The following CTNNA2 variants were observed in gnomAD, a reference collection of about 807,000 sequenced individuals.
The protein encoded by CTNNA2 is catenin alpha-2.
CTNNA2 carries 42 observed loss-of-function variants against 101.0 expected under a neutral mutation model. The observed-to-expected ratio is 0.42, with a 90% CI of 0.32 to 0.54. The LOEUF (loss-of-function observed/expected upper bound fraction) is 0.54, where lower values mean the gene tolerates loss of function less well. CTNNA2 is among the 20% of genes least tolerant of loss of function. The probability of loss-of-function intolerance (pLI) is 0.14; values close to 1 mark genes in which losing one functional copy is unlikely to be tolerated. For missense variants in CTNNA2, 871 were observed against 1,223.1 expected (o/e 0.71, Z 4.29); for synonymous variants, 450 against 456.4 (o/e 0.99, Z 0.18).
chr2:79,283,337 C>T (rs1425632680), intron 2 of CTNNA2, among the ~76,000 whole-genome samples: 873 of 88,668 alleles, frequency 9.8e-3, no homozygotes, highest in East Asian at 0.022. Flanking sequence ...CTTGCCCATG[C>T]CTATGTCCTG....
At chr2:80,482,953 T>C (rs952457056) in intron 9 of CTNNA2, among the ~76,000 whole-genome samples, 1 of 152,202 alleles carries the variant, frequency 6.6e-6, no homozygotes, top group African/African-American at 2.4e-5. Context: ...TGTCTTGCCC[T>C]GGCTCTGCTC....
intron 9 of CTNNA2, among the ~76,000 whole-genome samples, chr2:80,485,991 G>T (rs926940383): frequency 6.6e-6 from 1 of 151,820 alleles, no homozygotes; most frequent in Non-Finnish European, 1.5e-5. Flanking sequence ...TATTCATGTT[G>T]AATTTGGTTC....
At chr2:79,471,425 C>T (rs773587442) in intron 4 of CTNNA2, among the ~76,000 whole-genome samples, 1 of 152,148 alleles carries the variant, frequency 6.6e-6, no homozygotes, top group African/African-American at 2.4e-5. Flanking sequence ...TCCTTATATC[C>T]TCCCATGGAA....
intron 2 of CTNNA2, among the ~76,000 whole-genome samples, chr2:79,275,662 T>C (rs1022074979): frequency 2.6e-5 from 4 of 152,104 alleles, no homozygotes; most frequent in African/African-American, 9.6e-5. Flanking sequence ...TGTAGCATAA[T>C]ATTTGAATTA....
At chr2:80,617,930 T>G (rs534668232) in intron 17 of CTNNA2, among the ~76,000 whole-genome samples, 1 of 151,956 alleles carries the variant, frequency 6.6e-6, no homozygotes, top group African/African-American at 2.4e-5. Context: ...TGTCTAGGTT[T>G]CCTAAATTTT....
chr2:80,107,024 C>A (rs1191257861), intron 7 of CTNNA2, among the ~76,000 whole-genome samples: 6 of 152,144 alleles, frequency 3.9e-5, no homozygotes, highest in Admixed American at 3.9e-4. Flanking sequence ...TGGGTCATTA[C>A]TGTTCATCTT....
At chr2:79,664,920 C>A (rs1415780541) in intron 2 of CTNNA2, among the ~76,000 whole-genome samples, 1 of 151,928 alleles carries the variant, frequency 6.6e-6, no homozygotes, top group Non-Finnish European at 1.5e-5. Context: ...ACCATGTTAG[C>A]CAAGATGGTC....
intron 2 of CTNNA2, among the ~76,000 whole-genome samples, chr2:79,259,094 G>A (rs1477286869): frequency 6.6e-6 from 1 of 152,118 alleles, no homozygotes; most frequent in African/African-American, 2.4e-5. Context: ...GGGGAAGAGT[G>A]ATCAGATCCC....
intron 3 of CTNNA2, among the ~76,000 whole-genome samples, chr2:79,322,213 G>T (rs2104410307): frequency 6.6e-6 from 1 of 152,322 alleles, no homozygotes; most frequent in South Asian, 2.1e-4. Flanking sequence ...TCATCAACAA[G>T]GGCTGGAAGA....
intron 3 of CTNNA2, among the ~76,000 whole-genome samples, chr2:79,368,435 A>T (rs186551200): frequency 6.6e-6 from 1 of 152,314 alleles, no homozygotes. Context: ...GTGTCACCAC[A>T]TCCTGTCCTG....
intron 2 of CTNNA2, among the ~76,000 whole-genome samples, chr2:79,225,443 T>C (rs549424342): frequency 5.9e-5 from 9 of 152,312 alleles, no homozygotes; most frequent in South Asian, 2.1e-4. Context: ...TCTAAAAATA[T>C]GCTTGAGTGT....
At chr2:79,583,224 A>G (rs1676259325) in intron 1 of CTNNA2, among the ~76,000 whole-genome samples, 1 of 151,262 alleles carries the variant, frequency 6.6e-6, no homozygotes, top group Non-Finnish European at 1.5e-5. Flanking sequence ...TATATATAAA[A>G]TATATATATC....
chr2:79,916,669 A>C (rs1574305132), intron 7 of CTNNA2, among the ~76,000 whole-genome samples: 1 of 142,358 alleles, frequency 7.0e-6, no homozygotes. Flanking sequence ...TGCAAGCTCC[A>C]CCTCCTGGGT....
chr2:80,087,991 C>G (rs562827922), intron 7 of CTNNA2, among the ~76,000 whole-genome samples: 2 of 152,102 alleles, frequency 1.3e-5, no homozygotes, highest in South Asian at 4.1e-4. Flanking sequence ...CACTTCAGCC[C>G]TTGCCGACCA....
intron 1 of CTNNA2, among the ~76,000 whole-genome samples, chr2:79,196,189 C>T (rs531324722): frequency 2.8e-4 from 43 of 152,184 alleles, no homozygotes; most frequent in Non-Finnish European, 5.3e-4. Context: ...GCCTCGGCCT[C>T]CCAAAGTGCT....
chr2:79,657,848 T>G (rs1415242324), intron 2 of CTNNA2, among the ~76,000 whole-genome samples: 1 of 151,780 alleles, frequency 6.6e-6, no homozygotes, highest in Non-Finnish European at 1.5e-5. Flanking sequence ...ACTAAAAAGA[T>G]ATTTAATAGA....
At chr2:80,209,171 T>A (rs939110209) in intron 7 of CTNNA2, among the ~76,000 whole-genome samples, 11 of 151,964 alleles carry the variant, frequency 7.2e-5, no homozygotes, top group African/African-American at 2.7e-4. Flanking sequence ...AAAACTAGCC[T>A]TTCAGAGTAT....
intron 3 of CTNNA2, among the ~76,000 whole-genome samples, chr2:79,324,539 G>A (rs935736791): frequency 2.0e-5 from 3 of 152,118 alleles, no homozygotes; most frequent in Admixed American, 6.6e-5. Context: ...GTCAAGACAG[G>A]ACAGTTAAAA....
intron 7 of CTNNA2, among the ~76,000 whole-genome samples, chr2:80,016,476 CAG>C (rs1694158632): frequency 6.6e-6 from 1 of 152,110 alleles, no homozygotes; most frequent in African/African-American, 2.4e-5. Context: ...GGCAAAGTGT[CAG>C]AGAGTGAGGC....
Sources: gnomAD v4.1 joint callset for allele counts (sites outside exome capture counted in the v4.1 genomes callset) on GRCh38, gnomAD v4.1.1 for gene constraint, MANE v1.5 for transcripts, NCBI Gene and HGNC (gene_info 2026-07-23, HGNC 2026-07-21) for gene names.